VKORC1L1: variants seen among roughly 807,000 people sequenced by gnomAD.
The protein encoded by VKORC1L1 is vitamin K epoxide reductase complex subunit 1-like protein 1.
A neutral mutation model predicts 18.9 loss-of-function variants in VKORC1L1; 2 were observed. The ratio of observed to expected loss-of-function variants is 0.11; its 90% CI spans 0.04 to 0.33. The LOEUF is 0.33. Among genes scored for constraint, VKORC1L1 ranks in the 10% least tolerant of loss-of-function variants. The pLI is 1.00. For synonymous variants in VKORC1L1, 96 were observed against 100.0 expected, an observed-to-expected ratio of 0.96 and a Z score of 0.24; for missense variants, 123 against 224.1, an observed-to-expected ratio of 0.55 and a Z score of 2.88.
At position 65,954,141 on chromosome 7, in the gene VKORC1L1, C is replaced by T. The variant is rs371089962; in HGVS notation, c.372C>T (p.Ser124=). Residue 124 remains serine (S), a synonymous_variant, in exon 3 of 3, where the codon TCC becomes TCT. Coordinates refer to ENST00000360768, the MANE Select transcript of VKORC1L1 (RefSeq NM_173517.6). ...MTSSIMSVVG[S]LYLAYILYFV... ...CCTCCATCATGTCGGTCGTGGGGTC[C>T]CTGTACCTGGCCTACATTCTGTACT... 9.9e-6 allele frequency: 16 copies of T among 1,612,446 alleles called. No homozygotes were observed. The African/African-American group carries it at 1.9e-4, about 19-fold the overall frequency.
intron 1 of VKORC1L1, among the ~76,000 whole-genome samples, chr7:65,933,254 G>A (rs1325624645): frequency 2.0e-5 from 3 of 151,958 alleles, no homozygotes; most frequent in African/African-American, 7.3e-5. Flanking sequence ...TATAATTGTG[G>A]ATTTATTCTT....
At chr7:65,899,239 C>T (rs1159461943) in intron 1 of VKORC1L1, among the ~76,000 whole-genome samples, 1 of 152,200 alleles carries the variant, frequency 6.6e-6, no homozygotes, top group Non-Finnish European at 1.5e-5. Context: ...CTCAAGGCCG[C>T]AGCCTCTTGA....
chr7:65,883,569 G>A (rs1039081023), intron 1 of VKORC1L1, among the ~76,000 whole-genome samples: 1 of 151,884 alleles, frequency 6.6e-6, no homozygotes, highest in African/African-American at 2.4e-5. Context: ...GCGGGTTCTC[G>A]GCTCACTGCA....
chr7:65,951,130 G>A (rs959029579), intron 2 of VKORC1L1, among the ~76,000 whole-genome samples: 8 of 152,064 alleles, frequency 5.3e-5, no homozygotes, highest in Admixed American at 2.6e-4. Flanking sequence ...GATGCTTCAC[G>A]TGCCTTTTAA....
In VKORC1L1 at chr7:65,879,827, C is replaced by CT. The variant is rs370958238; in HGVS notation, c.194+6271dup. ...TTTCCTTTTCTTTTTCTTTCCTTTC[C>CT]TTTTTTTTTCTTTCCTTTCTTTTCT... On this transcript the variant is annotated intron_variant, in intron 1 of 2. Coordinates refer to ENST00000360768, the MANE Select transcript of VKORC1L1 (RefSeq NM_173517.6). Among the ~76,000 whole-genome samples the CT allele has an allele frequency of 1.0e-4, 14 of 139,540 alleles. No individual in the cohort carries two copies. The East Asian group carries it at 1.2e-3, about 12-fold the overall frequency. 91.5% of individuals were successfully genotyped at this position (139,540 alleles called of 152,430 possible).
At chr7:65,947,067 G>A (rs1790131536) in intron 1 of VKORC1L1, among the ~76,000 whole-genome samples, 1 of 152,094 alleles carries the variant, frequency 6.6e-6, no homozygotes, top group Non-Finnish European at 1.5e-5. Flanking sequence ...GAACCTCGGA[G>A]GTCAAGGCTG....
intron 1 of VKORC1L1, among the ~76,000 whole-genome samples, chr7:65,916,732 G>T (rs1004651003): frequency 2.0e-5 from 3 of 151,988 alleles, no homozygotes; most frequent in African/African-American, 7.2e-5. Context: ...CTGAGTAGCT[G>T]GGATTACAGG....
At chr7:65,937,883 A>G (rs917821324) in intron 1 of VKORC1L1, among the ~76,000 whole-genome samples, 1 of 152,190 alleles carries the variant, frequency 6.6e-6, no homozygotes, top group African/African-American at 2.4e-5. Context: ...AAATAAACAT[A>G]AATTATTTGA....
chr7:65,927,074 G>T (rs1400955201), intron 1 of VKORC1L1, among the ~76,000 whole-genome samples: 1 of 152,090 alleles, frequency 6.6e-6, no homozygotes, highest in Non-Finnish European at 1.5e-5. Context: ...ATCACTTGAG[G>T]CCAGGAGTTC....
chr7:65,910,914 C>A (rs528492668), intron 1 of VKORC1L1, among the ~76,000 whole-genome samples: 41 of 152,300 alleles, frequency 2.7e-4, no homozygotes, highest in African/African-American at 9.4e-4. Flanking sequence ...TCAAAGAATT[C>A]TCTCTGTTTT....
the VKORC1L1 span, among the ~76,000 whole-genome samples, chr7:65,867,749 T>A: frequency 1.9e-3 from 283 of 152,322 alleles, 2 homozygotes; most frequent in African/African-American, 6.6e-3. Context: ...ATGAGCTACC[T>A]TGAATCACTT....
At position 65,956,744 on chromosome 7, in the gene VKORC1L1, G is replaced by T. The variant is rs546911528; in HGVS notation, c.*2444G>T. ...ATACCTCCGATTCTGCCCAGAAGAG[G>T]GGGGGAATCACCAGTGTTACAAAAT... On this transcript the variant is annotated 3_prime_UTR_variant, in exon 3 of 3. Transcript: ENST00000360768. 1 of 152,136 alleles carries T rather than the reference G, an allele frequency of 6.6e-6. No individual in the cohort carries two copies. Among genetic ancestry groups the T allele is most frequent in the Non-Finnish European group, 1.5e-5 (1 of 68,022 alleles). 9.4% of individuals were successfully genotyped at this position (152,136 alleles called of 1,614,324 possible). A position where few individuals can be genotyped will look rare whatever the true frequency, so the allele number is the denominator to read the frequency against.
chr7:65,907,201 G>A (rs1007697921), intron 1 of VKORC1L1, among the ~76,000 whole-genome samples: 1 of 152,152 alleles, frequency 6.6e-6, no homozygotes, highest in Non-Finnish European at 1.5e-5. Context: ...AGCACTTTGG[G>A]AGGCCGAGGC....
Position 65,873,307 on chromosome 7 carries a change from G to T in VKORC1L1, c.-65G>T. On this transcript the variant is annotated 5_prime_UTR_variant, in exon 1 of 3. Coordinates refer to ENST00000360768, the MANE Select transcript of VKORC1L1 (RefSeq NM_173517.6). ...GGTGGCGGCGGTGGCGGCTGGGTCG[G>T]GCCCCGACGGGCGGCGGCGGCTGAG... 1 of 1,249,646 alleles carries T rather than the reference G, an allele frequency of 8.0e-7. No individual in the cohort carries two copies. Among genetic ancestry groups the T allele is most frequent in the Non-Finnish European group, 1.0e-6 (1 of 980,906 alleles). The allele number at this position is 1,249,646 out of a possible 1,614,324, so 77.4% of individuals were successfully genotyped here. A position where few individuals can be genotyped will look rare whatever the true frequency, so the allele number is the denominator to read the frequency against.
At chr7:65,893,387 CA>C (rs1789140064) in intron 1 of VKORC1L1, among the ~76,000 whole-genome samples, 1 of 152,034 alleles carries the variant, frequency 6.6e-6, no homozygotes, top group South Asian at 2.1e-4. Context: ...ACTAAAAATA[CA>C]AAATTAGCTG....
intron 2 of VKORC1L1, among the ~76,000 whole-genome samples, chr7:65,951,925 C>T (rs1228317439): frequency 6.6e-6 from 1 of 152,094 alleles, no homozygotes; most frequent in Non-Finnish European, 1.5e-5. Context: ...TTTAGAGTTA[C>T]AGCACATTTT....
At chr7:65,924,081 ATGTGTTGAGACTTAAAGCC>A (rs1191036509) in intron 1 of VKORC1L1, among the ~76,000 whole-genome samples, 1 of 152,138 alleles carries the variant, frequency 6.6e-6, no homozygotes, top group Non-Finnish European at 1.5e-5. Context: ...TAAGGTTTTA[ATGTGTTGAGACTTAAAGCC>A]TGTAGCAGAG....
intron 1 of VKORC1L1, among the ~76,000 whole-genome samples, chr7:65,905,078 CA>C (rs1057053420): frequency 3.3e-5 from 5 of 151,856 alleles, no homozygotes; most frequent in Non-Finnish European, 7.4e-5. Flanking sequence ...CACACATATG[CA>C]TACAAATGCA....
chr7:65,908,802 A>C (rs1178184849), intron 1 of VKORC1L1, among the ~76,000 whole-genome samples: 1 of 140,036 alleles, frequency 7.1e-6, no homozygotes. Flanking sequence ...GTGCCAGTGC[A>C]CTCTAGCCTG....
Sources: allele counts gnomAD v4.1 joint callset (sites outside exome capture counted in the v4.1 genomes callset), GRCh38; gene constraint gnomAD v4.1.1; transcripts MANE v1.5; gene names NCBI Gene and HGNC (gene_info 2026-07-23, HGNC 2026-07-21).